RBFOX2: variants seen among roughly 807,000 people sequenced by gnomAD.
The protein encoded by RBFOX2 is RNA binding fox-1 homolog 2.
RBFOX2 carries 10 observed loss-of-function variants against 49.1 expected under a neutral mutation model. That is an observed-to-expected ratio of 0.20 (90% CI 0.13 to 0.35). The LOEUF is 0.35. Ranked by LOEUF, RBFOX2 falls within the 10% of genes least tolerant of loss-of-function variation. The probability of loss-of-function intolerance (pLI) is 1.00; values close to 1 mark genes in which losing one functional copy is unlikely to be tolerated. For missense variants in RBFOX2, 323 were observed against 486.9 expected, an observed-to-expected ratio of 0.66 and a Z score of 3.17; for synonymous variants, 183 against 187.4, an observed-to-expected ratio of 0.98 and a Z score of 0.19.
At chr22:35,783,715 C>T (rs570686505) in intron 2 of RBFOX2, among the ~76,000 whole-genome samples, 1 of 152,272 alleles carries the variant, frequency 6.6e-6, no homozygotes, top group Admixed American at 6.5e-5. Context: ...AAAGCCAGGG[C>T]CCCCAGACAC....
chr22:35,758,732 A>G (rs1477974339), intron 9 of RBFOX2, among the ~76,000 whole-genome samples: 1 of 152,198 alleles, frequency 6.6e-6, no homozygotes, highest in Non-Finnish European at 1.5e-5. Context: ...TGTCTTTTGG[A>G]GCCTGCCCAC....
chr22:35,777,393 A>G (rs1944192635), intron 4 of RBFOX2, among the ~76,000 whole-genome samples: 1 of 152,216 alleles, frequency 6.6e-6, no homozygotes, highest in Non-Finnish European at 1.5e-5. Context: ...GTAAAAGTAC[A>G]CACTTACTAC....
At position 35,753,805 on chromosome 22, in the gene RBFOX2, C is replaced by T. The variant is rs1402567031; in HGVS notation, c.887+6083G>A. ...TTTTTTTTTTTTTTTTTTTTTGAGA[C>T]GAAGTCTAGCTCTGTCAGCCAGGCT... On this transcript the variant is annotated intron_variant, in intron 9 of 11. Coordinates refer to ENST00000405409, the Ensembl canonical transcript of RBFOX2. Among the ~76,000 whole-genome samples, 4 of 98,270 alleles carry T rather than the reference C, an allele frequency of 4.1e-5. No individual in the cohort carries two copies. The Admixed American group carries it at 6.7e-4, about 16-fold the overall frequency. The allele number at this position is 98,270 out of a possible 152,430, so 64.5% of individuals were successfully genotyped here. A position where few individuals can be genotyped will look rare whatever the true frequency, so the allele number is the denominator to read the frequency against.
chr22:35,948,516 T>C (rs1052633507), intron 1 of RBFOX2, among the ~76,000 whole-genome samples: 1 of 151,782 alleles, frequency 6.6e-6, no homozygotes, highest in African/African-American at 2.4e-5. Flanking sequence ...AGACCCTGGG[T>C]CTATAAGAAA....
intron 1 of RBFOX2, among the ~76,000 whole-genome samples, chr22:35,894,062 C>T (rs745767357): frequency 6.6e-6 from 1 of 152,160 alleles, no homozygotes; most frequent in Non-Finnish European, 1.5e-5. Flanking sequence ...TGACATTTCT[C>T]TAAAAGTTAT....
intron 1 of RBFOX2, among the ~76,000 whole-genome samples, chr22:36,018,432 C>A (rs1226565635): frequency 2.0e-5 from 3 of 152,138 alleles, no homozygotes; most frequent in Non-Finnish European, 4.4e-5. Context: ...CAGAGGTATT[C>A]ATTAGCTGGG....
rs542073328 is a variant in RBFOX2, at chr22:36,013,168, G to A, written c.186+15072C>T. 3.1e-4 allele frequency among the ~76,000 whole-genome samples: 47 copies of A among 151,980 alleles called. 1 individual carries two copies. Among genetic ancestry groups the A allele is most frequent in the Non-Finnish European group, 6.2e-4 (42 of 68,002 alleles). On this transcript the variant is annotated intron_variant, in intron 1 of 13. Coordinates refer to the RBFOX2 transcript ENST00000438146. ...ACATGCCTATGGTCTCACCTACTTG[G>A]GAGGCTGAAGCAGAGGACTGCTTGA... is the stretch of plus-strand genomic sequence containing the variant.
chr22:35,740,346 T>C (rs1929252400), exon 12 of RBFOX2: 1 of 152,636 alleles, frequency 6.6e-6, no homozygotes, highest in South Asian at 2.1e-4. Flanking sequence ...TATAGTGTTT[T>C]ATGCAACAGA....
At chr22:35,821,638 G>C (rs961055735) in intron 1 of RBFOX2, among the ~76,000 whole-genome samples, 2 of 133,366 alleles carry the variant, frequency 1.5e-5, no homozygotes, top group African/African-American at 5.4e-5. Flanking sequence ...AAAAGCAGTA[G>C]TATCCTATCC....
chr22:35,772,636 C>T (rs1183091025), intron 4 of RBFOX2, among the ~76,000 whole-genome samples: 1 of 152,130 alleles, frequency 6.6e-6, no homozygotes, highest in African/African-American at 2.4e-5. Context: ...CATTTAAACA[C>T]ACCAGTGTTA....
At position 35,883,209 on chromosome 22, in the gene RBFOX2, A is replaced by G. The variant is rs117458185; in HGVS notation, c.-34+55638T>C. On this transcript the variant is annotated intron_variant, in intron 1 of 13. Transcript: ENST00000359369. ...TCTCAGCCTGCTTCCTGCCAGCAGAATGCTAGGGGTGTCCGACAGCCTCTT... is the reference window on the plus strand; with the variant it reads ...TCTCAGCCTGCTTCCTGCCAGCAGAGTGCTAGGGGTGTCCGACAGCCTCTT... 1.4e-4 allele frequency among the ~76,000 whole-genome samples: 21 copies of G among 152,292 alleles called. No individual in the cohort carries two copies. The East Asian group carries it at 4.1e-3, about 29-fold the overall frequency.
At chr22:35,868,723 A>G (rs1421344389) in intron 1 of RBFOX2, among the ~76,000 whole-genome samples, 1 of 152,246 alleles carries the variant, frequency 6.6e-6, no homozygotes, top group African/African-American at 2.4e-5. Context: ...ACTGTGTTGC[A>G]AAATGTTGTA....
chr22:35,915,774 T>C (rs2050342486), intron 1 of RBFOX2, among the ~76,000 whole-genome samples: 1 of 152,174 alleles, frequency 6.6e-6, no homozygotes, highest in African/African-American at 2.4e-5. Context: ...GAGTAAGCCA[T>C]ACCCTCTCCC....
At chr22:35,938,948 AG>A, upstream of RBFOX2, 2 of 1,515,828 alleles carry the variant, frequency 1.3e-6, no homozygotes, top group Non-Finnish European at 1.8e-6. Flanking sequence ...AGAAAATGTT[AG>A]GCATAATCAA....
intron 1 of RBFOX2, among the ~76,000 whole-genome samples, chr22:35,951,925 TCTGA>T (rs1039876012): frequency 3.2e-4 from 49 of 152,214 alleles, no homozygotes; most frequent in African/African-American, 1.1e-3. Flanking sequence ...ACGTAGCAGG[TCTGA>T]CTGCTAAGGT....
chr22:35,904,674 C>T (rs903398252), intron 1 of RBFOX2, among the ~76,000 whole-genome samples: 1 of 152,164 alleles, frequency 6.6e-6, no homozygotes, highest in East Asian at 1.9e-4. Context: ...AATCTACATT[C>T]CAAATTGTCT....
intron 1 of RBFOX2, among the ~76,000 whole-genome samples, chr22:35,967,036 G>A (rs148879545): frequency 9.9e-5 from 15 of 151,804 alleles, no homozygotes; most frequent in African/African-American, 1.9e-4. Context: ...TGCCCAGGCT[G>A]ATCTTTAACT....
chr22:35,809,989 T>C, exon 2 of RBFOX2: 1 of 1,614,146 alleles, frequency 6.2e-7, no homozygotes, highest in Non-Finnish European at 8.5e-7. Context: ...GGAGTTGTTG[T>C]CGGCTCCTGG....
chr22:35,799,330 A>G (rs1949345167), intron 2 of RBFOX2, among the ~76,000 whole-genome samples: 1 of 152,216 alleles, frequency 6.6e-6, no homozygotes, highest in Non-Finnish European at 1.5e-5. Flanking sequence ...AAGTGTCTGC[A>G]GGCCCAGGTG....
Sources: gnomAD v4.1 joint callset for allele counts (sites outside exome capture counted in the v4.1 genomes callset) on GRCh38, gnomAD v4.1.1 for gene constraint, MANE v1.5 for transcripts, NCBI Gene and HGNC (gene_info 2026-07-23, HGNC 2026-07-21) for gene names.